NXPE2: variants seen among roughly 807,000 people sequenced by gnomAD.
NXPE2 encodes the protein NXPE family member 2.
Under a neutral mutation model 34.4 loss-of-function variants are expected in NXPE2, and 34 were observed. That is an observed-to-expected ratio of 0.99 (90% CI 0.75 to 1.31). The LOEUF is 1.31. Ranked by LOEUF, NXPE2 falls within the 40% of genes most tolerant of loss-of-function variation. NXPE2 has a pLI of 0.00. For synonymous variants in NXPE2, 235 were observed against 231.3 expected, an observed-to-expected ratio of 1.02 and a Z score of -0.15; for missense variants, 649 against 672.5, an observed-to-expected ratio of 0.97 and a Z score of 0.39.
At chr11:114,734,022 G>A in the NXPE2 span, among the ~76,000 whole-genome samples, 1 of 152,122 alleles carries the variant, frequency 6.6e-6, no homozygotes, top group African/African-American at 2.4e-5. Context: ...ATGGCAGCAG[G>A]AATTTGTATT....
chr11:114,528,976 A>C, the NXPE2 span: 3 of 439,614 alleles, frequency 6.8e-6, no homozygotes, highest in Non-Finnish European at 1.2e-5. Context: ...TTTACTTTTC[A>C]GAAGGGAGCC....
At chr11:114,806,340 A>G in the NXPE2 span, among the ~76,000 whole-genome samples, 1 of 152,258 alleles carries the variant, frequency 6.6e-6, no homozygotes, top group African/African-American at 2.4e-5. Context: ...ACAAAGCTAG[A>G]CAGAGAATGA....
the NXPE2 span, among the ~76,000 whole-genome samples, chr11:114,650,900 T>A: frequency 6.6e-6 from 1 of 151,828 alleles, no homozygotes; most frequent in African/African-American, 2.4e-5. Context: ...CTGCAGCTGG[T>A]GGAGGGGCAG....
At chr11:114,636,286 A>G in the NXPE2 span, among the ~76,000 whole-genome samples, 1 of 151,942 alleles carries the variant, frequency 6.6e-6, no homozygotes, top group Non-Finnish European at 1.5e-5. Flanking sequence ...GGTAGTTTGT[A>G]TTTCTGTGAG....
At chr11:114,696,467 AC>A (rs1427147844) in intron 2 of NXPE2, among the ~76,000 whole-genome samples, 1 of 152,130 alleles carries the variant, frequency 6.6e-6, no homozygotes, top group Non-Finnish European at 1.5e-5. Flanking sequence ...GCAAATCCTA[AC>A]CAAAATAATG....
chr11:114,726,813 C>T, the NXPE2 span, among the ~76,000 whole-genome samples: 3 of 152,150 alleles, frequency 2.0e-5, 1 homozygote, highest in East Asian at 1.9e-4. Context: ...ACGGTTTATC[C>T]AAGTTCTTTG....
the NXPE2 span, among the ~76,000 whole-genome samples, chr11:114,536,256 CA>C: frequency 1.3e-5 from 2 of 152,078 alleles, no homozygotes; most frequent in African/African-American, 4.8e-5. Flanking sequence ...CACAACATAC[CA>C]GAATCTCTGG....
chr11:114,803,324 TAA>T, the NXPE2 span, among the ~76,000 whole-genome samples: 1 of 152,248 alleles, frequency 6.6e-6, no homozygotes, highest in Non-Finnish European at 1.5e-5. Context: ...GCACATTTTA[TAA>T]TAGTGACAGT....
the NXPE2 span, among the ~76,000 whole-genome samples, chr11:114,531,205 G>T: frequency 1.3e-5 from 2 of 152,018 alleles, no homozygotes; most frequent in Non-Finnish European, 2.9e-5. Context: ...TTTAGAGAAT[G>T]TCTGAACAGT....
At chr11:114,521,658 T>C in the NXPE2 span, 68 of 263,170 alleles carry the variant, frequency 2.6e-4, no homozygotes, top group South Asian at 4.0e-3. Context: ...AATATCTATA[T>C]TGGAAATAGA....
chr11:114,665,182 T>A, the NXPE2 span, among the ~76,000 whole-genome samples: 2 of 152,178 alleles, frequency 1.3e-5, no homozygotes, highest in African/African-American at 4.8e-5. Flanking sequence ...TGCCATTATC[T>A]TAGCAAAATA....
chr11:114,510,167 T>A, the NXPE2 span, among the ~76,000 whole-genome samples: 652 of 152,282 alleles, frequency 4.3e-3, 4 homozygotes, highest in Non-Finnish European at 5.5e-3. Context: ...ATCCAACAAA[T>A]GTAAAGATAG....
At chr11:114,749,769 C>T in the NXPE2 span, among the ~76,000 whole-genome samples, 1 of 152,174 alleles carries the variant, frequency 6.6e-6, no homozygotes, top group African/African-American at 2.4e-5. Context: ...TGGCCGTCAC[C>T]TCTGTGGGAA....
At chr11:114,635,302 G>A in the NXPE2 span, among the ~76,000 whole-genome samples, 1 of 149,748 alleles carries the variant, frequency 6.7e-6, no homozygotes, top group Non-Finnish European at 1.5e-5. Context: ...TGTGATTTTT[G>A]TACATTGATT....
At chr11:114,635,668 G>C in the NXPE2 span, among the ~76,000 whole-genome samples, 3 of 151,944 alleles carry the variant, frequency 2.0e-5, no homozygotes, top group Middle Eastern at 3.4e-3. Context: ...AGAGTTTTTA[G>C]CCTGAAGTAT....
chr11:114,489,860 C>A, the NXPE2 span, among the ~76,000 whole-genome samples: 1 of 152,058 alleles, frequency 6.6e-6, no homozygotes, highest in African/African-American at 2.4e-5. Context: ...CTGGCCAGGG[C>A]AATCAGGCAG....
At chr11:114,580,737 T>C in the NXPE2 span, among the ~76,000 whole-genome samples, 12 of 152,180 alleles carry the variant, frequency 7.9e-5, no homozygotes, top group Non-Finnish European at 5.9e-5. Flanking sequence ...AATGACACCA[T>C]CAAAATATAA....
the NXPE2 span, among the ~76,000 whole-genome samples, chr11:114,479,604 G>A: frequency 6.6e-6 from 1 of 152,078 alleles, no homozygotes; most frequent in African/African-American, 2.4e-5. Context: ...ATAGGAAGGA[G>A]GAGTTAATAT....
the NXPE2 span, among the ~76,000 whole-genome samples, chr11:114,725,944 G>A: frequency 1.8e-5 from 2 of 109,652 alleles, no homozygotes; most frequent in African/African-American, 3.3e-5. Context: ...CAAGACCAAT[G>A]TACCCTAGAA....
Sources: gnomAD v4.1 joint callset for allele counts (sites outside exome capture counted in the v4.1 genomes callset) on GRCh38, gnomAD v4.1.1 for gene constraint, MANE v1.5 for transcripts, NCBI Gene and HGNC (gene_info 2026-07-23, HGNC 2026-07-21) for gene names.